Variants in UBE4B observed in about 807,000 individuals in gnomAD.
UBE4B encodes the protein ubiquitination factor E4B.
UBE4B carries 27 observed loss-of-function variants against 148.1 expected under a neutral mutation model. The observed-to-expected ratio is 0.18, with a 90% CI of 0.13 to 0.25. The LOEUF is 0.25. UBE4B is among the 10% of genes least tolerant of loss of function. The pLI is 1.00. For synonymous variants in UBE4B, 596 were observed against 619.3 expected (o/e 0.96, Z 0.56); for missense variants, 1,170 against 1,662.4 (o/e 0.70, Z 5.15).
chr1:10,151,325 G>T lies in UBE4B; in HGVS notation c.2691-1G>T. Reference sequence around the variant, plus strand: ...TTCTTGCTCTTCTTGCCTCTGTTCAGATACTCTCCCCAGGCGCTTTATGAG... The same window carrying T: ...TTCTTGCTCTTCTTGCCTCTGTTCATATACTCTCCCCAGGCGCTTTATGAG... On this transcript the variant is annotated splice_acceptor_variant, in intron 20 of 27. Transcript: ENST00000343090. LOFTEE classifies it high-confidence loss of function. 1 of 1,613,840 alleles carries T rather than the reference G, an allele frequency of 6.2e-7. No homozygotes were observed. The highest frequency in any genetic ancestry group is 8.5e-7 in the Non-Finnish European group (1 of 1,179,976).
chr1:10,098,189 A>G (rs1644958806), intron 3 of UBE4B, among the ~76,000 whole-genome samples: 2 of 152,148 alleles, frequency 1.3e-5, no homozygotes, highest in African/African-American at 4.8e-5. Context: ...AAATAATACA[A>G]TATAATATAA....
At chr1:10,124,679 A>G (rs1478256289) in intron 10 of UBE4B, among the ~76,000 whole-genome samples, 2 of 152,164 alleles carry the variant, frequency 1.3e-5, no homozygotes, top group East Asian at 3.9e-4. Flanking sequence ...GAATTATTAA[A>G]TCTTTGACTG....
In UBE4B at chr1:10,176,319, G is replaced by T. The variant is rs763236079; in HGVS notation, c.3526-2325G>T. ...TGCTGCTATGAACATTTGTGTAAAA[G>T]TATTTAAACACCTGTTTTCAGTTAC... On this transcript the variant is annotated intron_variant, in intron 25 of 27. Transcript: ENST00000343090. Among the ~76,000 whole-genome samples, 22 of 152,280 alleles carry T rather than the reference G, an allele frequency of 1.4e-4. No homozygotes were observed. The Middle Eastern group carries it at 0.01, about 71-fold the overall frequency.
chr1:10,161,072 C>G lies in UBE4B; in HGVS notation c.3054-70C>G. On this transcript the variant is annotated intron_variant, in intron 22 of 27. Transcript: ENST00000343090. The surrounding 1 kb of genome is among the most constrained non-coding windows in gnomAD (Gnocchi z 4.1). ...TGCAGTCTGGGTGGAGGTGCTTGTT[C>G]CCTGGGATTTGCTGTGGCATTTTGC... The G allele has an allele frequency of 6.4e-7, 1 of 1,563,440 alleles. No homozygotes were observed. Among genetic ancestry groups the G allele is most frequent in the Admixed American group, 1.7e-5 (1 of 57,890 alleles).
chr1:10,130,387 T>A, intron 12 of UBE4B, 113 bp from the exon 13 acceptor site: 3 of 959,308 alleles, frequency 3.1e-6, no homozygotes, highest in Non-Finnish European at 3.2e-6. Flanking sequence ...GGCTGAAACA[T>A]AAAAGTTTTA....
At chr1:10,134,323 C>T (rs1023867698) in intron 15 of UBE4B, among the ~76,000 whole-genome samples, 3 of 151,858 alleles carry the variant, frequency 2.0e-5, no homozygotes, top group African/African-American at 7.3e-5. Flanking sequence ...CCAGCCTGGC[C>T]AATATGGTGA....
At chr1:10,092,220 C>A (rs1205544384) in intron 2 of UBE4B, among the ~76,000 whole-genome samples, 2 of 142,184 alleles carry the variant, frequency 1.4e-5, no homozygotes, top group African/African-American at 5.7e-5. Context: ...TGAGACCCAT[C>A]TCTTTTGTTT....
intron 22 of UBE4B, among the ~76,000 whole-genome samples, chr1:10,159,602 G>A (rs1050370914): frequency 2.0e-5 from 3 of 152,076 alleles, no homozygotes; most frequent in South Asian, 4.1e-4. Context: ...GGAGAATGGC[G>A]TGAACCTGGG....
At chr1:10,136,955 T>G (rs1386206357) in intron 16 of UBE4B, 112 bp from the exon 17 acceptor site, 1 of 1,152,558 alleles carries the variant, frequency 8.7e-7, no homozygotes, top group Non-Finnish European at 1.2e-6. Context: ...AAATAAAAAG[T>G]ATCTTTAAAC....
chr1:10,052,790 A>G (rs1378626296), intron 1 of UBE4B, among the ~76,000 whole-genome samples: 1 of 152,136 alleles, frequency 6.6e-6, no homozygotes, highest in African/African-American at 2.4e-5. Context: ...TATTATAACA[A>G]AATGCCATAA....
intron 7 of UBE4B, among the ~76,000 whole-genome samples, chr1:10,112,107 C>T (rs1012908928): frequency 2.0e-5 from 3 of 151,886 alleles, no homozygotes; most frequent in Non-Finnish European, 2.9e-5. Context: ...CTGCACAGAT[C>T]GGATGCACGT....
At chr1:10,088,795 C>T (rs891498626) in intron 2 of UBE4B, among the ~76,000 whole-genome samples, 2 of 152,132 alleles carry the variant, frequency 1.3e-5, no homozygotes, top group Admixed American at 6.6e-5. Flanking sequence ...CCTCCTACCT[C>T]AGCCTCCTGA....
Position 10,035,766 on chromosome 1 carries a change from G to A in UBE4B, c.24+2072G>A, listed in dbSNP as rs1184298088. Among the ~76,000 whole-genome samples, 6 of 145,390 alleles carry A rather than the reference G, an allele frequency of 4.1e-5. No homozygotes were observed. In the East Asian group the frequency reaches 1.2e-3, roughly 30 times the overall value. The stretch of plus-strand genomic sequence containing the variant: ...TATTTTATTTTATTTTTTTTGAGAC[G>A]GAGCCTCGCTCTGTTGCCCAGGCTA... On this transcript the variant is annotated intron_variant, in intron 1 of 27. Coordinates refer to ENST00000343090, the MANE Select transcript of UBE4B (RefSeq NM_001105562.3).
At chr1:10,092,619 G>C (rs1035233637) in intron 2 of UBE4B, among the ~76,000 whole-genome samples, 3 of 152,248 alleles carry the variant, frequency 2.0e-5, no homozygotes, top group East Asian at 3.9e-4. Context: ...CCTGAGGTCA[G>C]GAGTTCAAGA....
At chr1:10,146,813 C>CAA in intron 18 of UBE4B, 150 bp from the exon 19 acceptor site, 1 of 957,878 alleles carries the variant, frequency 1.0e-6, no homozygotes, top group East Asian at 2.6e-5. Context: ...TCTTGAGACA[C>CAA]AACCAGCATC....
chr1:10,172,065 A>T (rs1646347237), intron 25 of UBE4B, among the ~76,000 whole-genome samples: 1 of 152,154 alleles, frequency 6.6e-6, no homozygotes, highest in Non-Finnish European at 1.5e-5. Context: ...GTCTCCTGCT[A>T]GAGTGCTGTT....
chr1:10,093,751 G>A (rs1161266363), intron 2 of UBE4B, among the ~76,000 whole-genome samples: 1 of 151,278 alleles, frequency 6.6e-6, no homozygotes, highest in Non-Finnish European at 1.5e-5. Flanking sequence ...CTGCAGGGCA[G>A]TGGGGCGATC....
chr1:10,053,248 A>G (rs1325409750), intron 1 of UBE4B, among the ~76,000 whole-genome samples: 3 of 146,974 alleles, frequency 2.0e-5, no homozygotes, highest in African/African-American at 7.6e-5. Context: ...TCCCAGGTTC[A>G]CGCCATTCTC....
intron 12 of UBE4B, among the ~76,000 whole-genome samples, chr1:10,130,015 G>A (rs1294002882): frequency 3.3e-5 from 5 of 151,782 alleles, no homozygotes; most frequent in African/African-American, 1.2e-4. Context: ...AAAGTTATTC[G>A]AGTCCTTTGG....
Sources: gnomAD v4.1 joint callset for allele counts (sites outside exome capture counted in the v4.1 genomes callset) on GRCh38, gnomAD v4.1.1 for gene constraint, Gnocchi (gnomAD v3.1) non-coding constraint, MANE v1.5 for transcripts, NCBI Gene and HGNC (gene_info 2026-07-23, HGNC 2026-07-21) for gene names.